LRP1B: variants seen among roughly 807,000 people sequenced by gnomAD.
LRP1B encodes LDL receptor related protein 1B.
LRP1B carries 217 observed loss-of-function variants against 556.6 expected under a neutral mutation model. That is an observed-to-expected ratio of 0.39 (90% CI 0.35 to 0.44). LRP1B has a LOEUF of 0.44. Among genes scored for constraint, LRP1B ranks in the 20% least tolerant of loss-of-function variants. The pLI, the probability that LRP1B is intolerant of heterozygous loss-of-function variation, is 1.00. For synonymous variants in LRP1B, 2,047 were observed against 1,865.8 expected, an observed-to-expected ratio of 1.10 and a Z score of -2.50; for missense variants, 5,053 against 5,620.8, an observed-to-expected ratio of 0.90 and a Z score of 3.23.
In LRP1B at chr2:141,063,319, G is replaced by C. The variant is rs1032280260; in HGVS notation, c.1014-1046C>G. Among the ~76,000 whole-genome samples, 22 of 151,734 alleles carry C rather than the reference G, an allele frequency of 1.4e-4. 1 individual carries two copies. The highest frequency in any genetic ancestry group is 9.2e-4 in the Admixed American group (14 of 15,166). Reference sequence around the variant, plus strand: ...TCTAACAGTATGGGGTATCTTTAAAGCTTAAACACATTATTTAAACTTTAA... The same window carrying C: ...TCTAACAGTATGGGGTATCTTTAAACCTTAAACACATTATTTAAACTTTAA... On this transcript the variant is annotated intron_variant, in intron 7 of 90. Transcript: ENST00000389484.
chr2:141,984,667 T>C (rs1702135351), intron 1 of LRP1B, among the ~76,000 whole-genome samples: 1 of 152,158 alleles, frequency 6.6e-6, no homozygotes, highest in African/African-American at 2.4e-5. Context: ...ATTAAGGTTT[T>C]CTTAGTTATA....
At position 140,456,531 on chromosome 2, in the gene LRP1B, T is replaced by C. The variant is rs150113526; in HGVS notation, c.9887A>G (p.His3296Arg). ...HLCLLAPGKTHTCACPTNFYL... is the reference protein window; with the variant it reads ...HLCLLAPGKTRTCACPTNFYL... The stretch of plus-strand genomic sequence containing the variant: ...GAAGTTAGTGGGACATGCACAAGTG[T>C]GGGTTTTTCCAGGGGCTAAAAGGCA... Residue 3296 changes from histidine (H) to arginine (R), a missense_variant, in exon 62 of 91, where the codon CAC becomes CGC. By Grantham distance (29) the His-to-Arg change is conservative. Coordinates refer to ENST00000389484, the MANE Select transcript of LRP1B (RefSeq NM_018557.3). The C allele has an allele frequency of 8.0e-5, 129 of 1,613,488 alleles. No homozygotes were observed. Among genetic ancestry groups the C allele is most frequent in the African/African-American group, 4.4e-4 (33 of 75,032 alleles).
In LRP1B at chr2:142,129,584, TTCTCTCTCTCTCTCTCTCTCTCTCTCTC is replaced by T. The variant is rs56034357; in HGVS notation, c.82+1036_82+1063del. ...TTGGGATCTGGGTTTCTTTCTCTCT[TTCTCTCTCTCTCTCTCTCTCTCTCTCTC>T]TCTCTCTCTCTCTCTCTCTTATTTA... On this transcript the variant is annotated intron_variant, in intron 1 of 90. Coordinates refer to ENST00000389484, the MANE Select transcript of LRP1B (RefSeq NM_018557.3). Among the ~76,000 whole-genome samples the T allele has an allele frequency of 8.5e-3, 1,141 of 134,832 alleles. 15 individuals carry two copies. The highest frequency in any genetic ancestry group is 0.03 in the African/African-American group (1,075 of 36,308). The allele number at this position is 134,832 out of a possible 152,430, so 88.5% of individuals were successfully genotyped here. A position where few individuals can be genotyped will look rare whatever the true frequency, so the allele number is the denominator to read the frequency against.
intron 56 of LRP1B, among the ~76,000 whole-genome samples, chr2:140,493,329 A>G (rs775015362): frequency 3.3e-5 from 5 of 152,258 alleles, no homozygotes; most frequent in Non-Finnish European, 7.4e-5. Context: ...TTACTTTAGA[A>G]TCTGGGAAAG....
At chr2:140,411,894 G>T (rs963058399) in intron 66 of LRP1B, among the ~76,000 whole-genome samples, 1 of 152,064 alleles carries the variant, frequency 6.6e-6, no homozygotes, top group Non-Finnish European at 1.5e-5. Flanking sequence ...AGCAAAGAAA[G>T]AATCCTGTAA....
Position 140,717,060 on chromosome 2 carries a change from T to C in LRP1B, c.5759-244A>G, listed in dbSNP as rs367862425. ...ATTTTTTGAAATATTATAGAAATAA[T>C]CTATTGCATTGTTTATTGTTTTTAT... is the stretch of plus-strand genomic sequence containing the variant. On this transcript the variant is annotated intron_variant, in intron 35 of 90. Coordinates refer to ENST00000389484, the MANE Select transcript of LRP1B (RefSeq NM_018557.3). Among the ~76,000 whole-genome samples the C allele has an allele frequency of 3.3e-5, 5 of 152,132 alleles. 1 individual carries two copies. In the East Asian group the frequency reaches 7.7e-4, roughly 24 times the overall value.
chr2:141,347,537 A>G (rs2105530893), intron 3 of LRP1B, among the ~76,000 whole-genome samples: 1 of 152,136 alleles, frequency 6.6e-6, no homozygotes, highest in Middle Eastern at 3.4e-3. Flanking sequence ...ATTGAGCTTT[A>G]CAACAAACTA....
At chr2:140,389,043 T>C (rs760986702) in intron 66 of LRP1B, among the ~76,000 whole-genome samples, 14 of 152,210 alleles carry the variant, frequency 9.2e-5, no homozygotes, top group Non-Finnish European at 1.6e-4. Context: ...CAATATGTAA[T>C]GTTTTACATT....
intron 11 of LRP1B, among the ~76,000 whole-genome samples, chr2:141,045,977 T>C (rs1382581826): frequency 2.0e-5 from 3 of 152,160 alleles, no homozygotes; most frequent in Admixed American, 6.6e-5. Flanking sequence ...GACAATTTCC[T>C]TTCTCATTGA....
In LRP1B at chr2:142,054,820, AT is replaced by A. The variant is rs922014350; in HGVS notation, c.82+75827del. Among the ~76,000 whole-genome samples the A allele has an allele frequency of 4.2e-4, 64 of 151,098 alleles. 1 individual carries two copies. Among genetic ancestry groups the A allele is most frequent in the African/African-American group, 1.5e-3 (60 of 41,210 alleles). ...AATTCAAATTTCAGATATTGTGGCC[AT>A]TTTTTTTTCTCTGAAACCACTTAAG... is the stretch of plus-strand genomic sequence containing the variant. On this transcript the variant is annotated intron_variant, in intron 1 of 90. Coordinates refer to ENST00000389484, the MANE Select transcript of LRP1B (RefSeq NM_018557.3).
intron 84 of LRP1B, among the ~76,000 whole-genome samples, chr2:140,284,941 TAA>T (rs201090325): frequency 0.036 from 5,504 of 150,938 alleles, 116 homozygotes; most frequent in South Asian, 0.083. Context: ...TATCTATATA[TAA>T]CTCTGTATAA....
intron 3 of LRP1B, among the ~76,000 whole-genome samples, chr2:141,288,497 T>C (rs1195208483): frequency 4.6e-5 from 7 of 152,092 alleles, no homozygotes; most frequent in Non-Finnish European, 1.0e-4. Flanking sequence ...AATGCACTCT[T>C]ATTTTTATTT....
chr2:140,970,222 CT>C (rs1416787211), intron 18 of LRP1B, among the ~76,000 whole-genome samples: 8 of 152,134 alleles, frequency 5.3e-5, no homozygotes, highest in Non-Finnish European at 1.0e-4. Context: ...TTGTTCATTT[CT>C]TTTTACTCTT....
At chr2:141,363,292 A>T (rs2105571071) in intron 3 of LRP1B, among the ~76,000 whole-genome samples, 1 of 152,350 alleles carries the variant, frequency 6.6e-6, no homozygotes, top group Admixed American at 6.5e-5. Flanking sequence ...TGTTTGGCAA[A>T]GAAACAACTT....
At chr2:140,691,856 TATAGA>T in intron 41 of LRP1B, among the ~76,000 whole-genome samples, 1 of 152,288 alleles carries the variant, frequency 6.6e-6, no homozygotes, top group Middle Eastern at 3.4e-3. Context: ...GTTTTAGATG[TATAGA>T]ATAGTAGAGA....
chr2:141,669,299 T>C (rs1185735487), intron 2 of LRP1B, among the ~76,000 whole-genome samples: 1 of 152,140 alleles, frequency 6.6e-6, no homozygotes, highest in Non-Finnish European at 1.5e-5. Flanking sequence ...AAGCAAAGAC[T>C]GCCACCTATA....
Position 140,716,031 on chromosome 2 carries a change from C to T in LRP1B, c.5965G>A (p.Val1989Ile), listed in dbSNP as rs1264006790. 6.2e-7 allele frequency: 1 copy of T among 1,609,736 alleles called. No individual in the cohort carries two copies. The highest frequency in any genetic ancestry group is 1.3e-5 in the African/African-American group (1 of 74,742). The change falls in exon 37 of 91, where the codon GTA becomes ATA. Residue 1989 changes from valine (V) to isoleucine (I), a missense_variant. Coordinates refer to ENST00000389484, the MANE Select transcript of LRP1B (RefSeq NM_018557.3). ...TGATCCAGGCCTTGGGAAATAATTACATAACGGAAAGAACCATTGAGTCTT... is the reference window on the plus strand; with the variant it reads ...TGATCCAGGCCTTGGGAAATAATTATATAACGGAAAGAACCATTGAGTCTT... Reference protein sequence around the residue: ...VARLNGSFRYVIISQGLDQPR... With the variant: ...VARLNGSFRYIIISQGLDQPR...
rs3748867 is a variant in LRP1B at position 140,356,389 on chromosome 2, C to A, written c.11483G>T (p.Arg3828Leu). The A allele has an allele frequency of 3.8e-5, 62 of 1,610,476 alleles. No homozygotes were observed. The East Asian group carries it at 8.1e-4, about 21-fold the overall frequency. The change falls in exon 75 of 91, where the codon CGC (arginine) becomes CTC (leucine). Residue 3828 changes from arginine (R) to leucine (L), a missense_variant. By Grantham distance (102) the Arg-to-Leu change is moderately radical (BLOSUM62 -2). This residue lies in a region of LRP1B where 599 missense variants were observed against 648.4 expected (regional missense o/e 0.92). Coordinates refer to ENST00000389484, the MANE Select transcript of LRP1B (RefSeq NM_018557.3). ...CNQIKTSVFC[R>L]CKPGFQRNMK... is the part of the protein sequence containing the mutation. ...GTTTCTCTGAAATCCAGGCTTACAG[C>A]GACAGAAAACAGATGTTTTTATTTG...
chr2:141,720,469 T>G (rs1048987077), intron 2 of LRP1B, among the ~76,000 whole-genome samples: 1 of 152,148 alleles, frequency 6.6e-6, no homozygotes, highest in African/African-American at 2.4e-5. Context: ...TATCCTCATA[T>G]AGTAGACAGA....
Sources: gnomAD v4.1 joint callset for allele counts (sites outside exome capture counted in the v4.1 genomes callset) on GRCh38, gnomAD v4.1.1 for gene constraint, gnomAD v4.1.1 regional missense constraint, MANE v1.5 for transcripts, NCBI Gene and HGNC (gene_info 2026-07-23, HGNC 2026-07-21) for gene names.